Variants in GSE1 observed in about 807,000 individuals in gnomAD.
The protein encoded by GSE1 is genetic suppressor element 1.
In GSE1, 32 loss-of-function variants were observed where a neutral mutation model predicts 112.6. The observed-to-expected ratio is 0.28, with a 90% CI of 0.21 to 0.38. GSE1 has a LOEUF of 0.38. Among genes scored for constraint, GSE1 ranks in the 10% least tolerant of loss-of-function variants. The pLI, the probability that GSE1 is intolerant of heterozygous loss-of-function variation, is 1.00. For missense variants in GSE1, 2,348 were observed against 1,699.2 expected, an observed-to-expected ratio of 1.38 and a Z score of -6.71; for synonymous variants, 1,115 against 735.6, an observed-to-expected ratio of 1.52 and a Z score of -8.35.
Position 85,666,340 on chromosome 16 carries a change from G to A in GSE1, c.3123G>A (p.Lys1041=). 1 of 1,613,692 alleles carries A rather than the reference G, an allele frequency of 6.2e-7. No homozygotes were observed. The highest frequency in any genetic ancestry group is 8.5e-7 in the Non-Finnish European group (1 of 1,180,022). Residue 1041 remains lysine (K), a synonymous_variant, in exon 13 of 16, where the codon AAG becomes AAA. Coordinates refer to ENST00000253458, the MANE Select transcript of GSE1 (RefSeq NM_014615.5). ...AGTCCACCCAGAAGGCCCTGCAGAAGCATAAAGGTAATGAGGCTGCCAGTC... is the reference window on the plus strand; with the variant it reads ...AGTCCACCCAGAAGGCCCTGCAGAAACATAAAGGTAATGAGGCTGCCAGTC... ...VLQSTQKALQ[K]HKGSVAVLSA... is the part of the protein sequence containing the mutation.
At chr16:85,241,906 T>A (rs1905200104) in intron 1 of GSE1, among the ~76,000 whole-genome samples, 1 of 151,992 alleles carries the variant, frequency 6.6e-6, no homozygotes, top group African/African-American at 2.4e-5. Context: ...CATCCTGTCC[T>A]CCCTTCATGG....
Position 85,425,531 on chromosome 16 carries a change from C to T in GSE1, c.2464+67888C>T, listed in dbSNP as rs114687111. Among the ~76,000 whole-genome samples the T allele has an allele frequency of 1.3e-4, 20 of 152,248 alleles. No homozygotes were observed. In the South Asian group the frequency reaches 3.5e-3, roughly 27 times the overall value. On this transcript the variant is annotated intron_variant, in intron 2 of 2. Coordinates refer to the GSE1 transcript ENST00000637419. ...CAAAAAGGGGCTGGTCTCCTCCTAGCGGGATTTGGAGCGGAGCCACACCGA... is the reference window on the plus strand; with the variant it reads ...CAAAAAGGGGCTGGTCTCCTCCTAGTGGGATTTGGAGCGGAGCCACACCGA...
At chr16:85,514,553 A>G (rs1156672102) in intron 2 of GSE1, among the ~76,000 whole-genome samples, 2 of 152,088 alleles carry the variant, frequency 1.3e-5, no homozygotes, top group African/African-American at 2.4e-5. Context: ...CACCGCTGGA[A>G]GCTTGGCACG....
intron 11 of GSE1, among the ~76,000 whole-genome samples, chr16:85,663,829 A>G (rs536916861): frequency 1.3e-4 from 20 of 152,344 alleles, no homozygotes; most frequent in East Asian, 7.7e-4. Context: ...GAGCCCCACC[A>G]TCTTGACCTG....
At chr16:85,593,833 C>G (rs1333343642) in intron 1 of GSE1, 1 of 152,268 alleles carries the variant, frequency 6.6e-6, no homozygotes, top group African/African-American at 2.4e-5. Context: ...GTTACACCTG[C>G]CATCTGCTGG....
At chr16:85,388,843 C>T (rs1237242381) in intron 2 of GSE1, among the ~76,000 whole-genome samples, 1 of 152,148 alleles carries the variant, frequency 6.6e-6, no homozygotes, top group Non-Finnish European at 1.5e-5. Flanking sequence ...GGTGGCTCTG[C>T]ACTGGGGGTT....
rs573833819 is a variant in GSE1 at position 85,539,577 on chromosome 16, G to A, written c.2465-94337G>A. ...TGCTTGTTTTGGCCTAAAGGATTCA[G>A]CTTTTTGCAATAGTCATTACACCTC... On this transcript the variant is annotated intron_variant, in intron 2 of 2. Transcript: ENST00000637419. 3.9e-5 allele frequency among the ~76,000 whole-genome samples: 6 copies of A among 152,290 alleles called. No homozygotes were observed. In the East Asian group the frequency reaches 1.2e-3, roughly 29 times the overall value.
intron 1 of GSE1, among the ~76,000 whole-genome samples, chr16:85,247,235 C>T (rs1355698004): frequency 2.0e-5 from 3 of 152,196 alleles, no homozygotes; most frequent in African/African-American, 4.8e-5. Context: ...GTGTGTCTCC[C>T]TGTCCATGCT....
intron 2 of GSE1, among the ~76,000 whole-genome samples, chr16:85,477,148 G>A (rs944914086): frequency 2.0e-5 from 3 of 152,102 alleles, no homozygotes; most frequent in African/African-American, 7.2e-5. Flanking sequence ...GGGTGGTCGG[G>A]TGATCCGCCT....
intron 1 of GSE1, among the ~76,000 whole-genome samples, chr16:85,301,245 G>C (rs1228338052): frequency 6.6e-6 from 1 of 152,204 alleles, no homozygotes; most frequent in Non-Finnish European, 1.5e-5. Flanking sequence ...TGAGCCTTTT[G>C]GGCCCAGGAA....
chr16:85,633,459 C>T (rs1043918017), intron 1 of GSE1, among the ~76,000 whole-genome samples: 1 of 152,258 alleles, frequency 6.6e-6, no homozygotes, highest in Non-Finnish European at 1.5e-5. Flanking sequence ...TCAGTGGCCA[C>T]AGCAGTTGTC....
chr16:85,505,027 A>G (rs373029821), intron 2 of GSE1, among the ~76,000 whole-genome samples: 1 of 144,342 alleles, frequency 6.9e-6, no homozygotes, highest in South Asian at 2.3e-4. Context: ...GTGCACGCAC[A>G]CACAGCCCCA....
chr16:85,597,576 C>A (rs1359456301), intron 1 of GSE1, among the ~76,000 whole-genome samples: 1 of 152,034 alleles, frequency 6.6e-6, no homozygotes, highest in Non-Finnish European at 1.5e-5. Flanking sequence ...CTCAAGCAAT[C>A]CTCCCACCTC....
At chr16:85,323,701 G>T (rs998158789) in intron 1 of GSE1, among the ~76,000 whole-genome samples, 2 of 152,218 alleles carry the variant, frequency 1.3e-5, no homozygotes, top group Non-Finnish European at 2.9e-5. Context: ...CTGGAGACCT[G>T]TGTCCAGGGC....
intron 1 of GSE1, among the ~76,000 whole-genome samples, chr16:85,260,903 G>A (rs1907619840): frequency 1.3e-5 from 2 of 152,252 alleles, no homozygotes; most frequent in Admixed American, 1.3e-4. Flanking sequence ...TCCAGATGGG[G>A]GCTAAGGACA....
At chr16:85,364,797 C>T (rs2047153773) in intron 2 of GSE1, among the ~76,000 whole-genome samples, 1 of 152,194 alleles carries the variant, frequency 6.6e-6, no homozygotes, top group Admixed American at 6.5e-5. Context: ...ACAGCAGCCA[C>T]TCCCCAGCAA....
intron 1 of GSE1, among the ~76,000 whole-genome samples, chr16:85,190,724 C>T (rs1304598245): frequency 6.6e-6 from 1 of 152,266 alleles, no homozygotes; most frequent in Non-Finnish European, 1.5e-5. Context: ...GACTGTCCCT[C>T]TGGCAATAGA....
chr16:85,391,013 G>C (rs1597580081), intron 2 of GSE1, among the ~76,000 whole-genome samples: 1 of 152,096 alleles, frequency 6.6e-6, no homozygotes, highest in Non-Finnish European at 1.5e-5. Context: ...CGCCCTGGGA[G>C]TTGACAGGAC....
At chr16:85,639,957 C>T (rs1386151299) in intron 2 of GSE1, among the ~76,000 whole-genome samples, 5 of 152,138 alleles carry the variant, frequency 3.3e-5, no homozygotes, top group African/African-American at 9.7e-5. Context: ...GACCAGGCAC[C>T]CCCTCCCTGG....
Sources: allele counts gnomAD v4.1 joint callset (sites outside exome capture counted in the v4.1 genomes callset), GRCh38; gene constraint gnomAD v4.1.1; transcripts MANE v1.5; gene names NCBI Gene and HGNC (gene_info 2026-07-23, HGNC 2026-07-21).